MAP2K1: variants seen among roughly 807,000 people sequenced by gnomAD.
MAP2K1 encodes mitogen-activated protein kinase kinase 1.
In MAP2K1, 16 loss-of-function variants were observed where a neutral mutation model predicts 46.3. The ratio of observed to expected loss-of-function variants is 0.35; its 90% confidence interval spans 0.23 to 0.52. The LOEUF (loss-of-function observed/expected upper bound fraction) is 0.52. Ranked by LOEUF, MAP2K1 falls within the 20% of genes least tolerant of loss-of-function variation. The pLI is 0.94. For missense variants in MAP2K1, 263 were observed against 497.1 expected (o/e 0.53, Z 4.48); for synonymous variants, 183 against 185.6 (o/e 0.99, Z 0.11).
chr15:66,399,947 G>C (rs1210578260), intron 1 of MAP2K1, among the ~76,000 whole-genome samples: 1 of 152,032 alleles, frequency 6.6e-6, no homozygotes, highest in African/African-American at 2.4e-5. Flanking sequence ...ATATGTGCAG[G>C]TTTGAGCATG....
chr15:66,484,681 TGGCCAAGCTG>T (rs147095432), intron 6 of MAP2K1, among the ~76,000 whole-genome samples: 10,101 of 152,220 alleles, frequency 0.066, 1,123 homozygotes, highest in African/African-American at 0.23. Context: ...TGCAAGACTG[TGGCCAAGCTG>T]GGTAAAGCTG....
chr15:66,404,758 A>G (rs749548200), intron 1 of MAP2K1, among the ~76,000 whole-genome samples: 5 of 152,188 alleles, frequency 3.3e-5, no homozygotes, highest in Non-Finnish European at 7.3e-5. Context: ...AAGGAGGGTG[A>G]GAGCTGGAGG....
chr15:66,467,973 C>A (rs936586179), intron 5 of MAP2K1, among the ~76,000 whole-genome samples: 1 of 152,134 alleles, frequency 6.6e-6, no homozygotes, highest in Admixed American at 6.5e-5. Context: ...ATTTCTTGAT[C>A]AAAAAATGCA....
At chr15:66,481,692 A>C in intron 5 of MAP2K1, 63 bp from the exon 6 acceptor site, 2 of 1,586,568 alleles carry the variant, frequency 1.3e-6, no homozygotes, top group Non-Finnish European at 1.7e-6. Flanking sequence ...TGGAATGCTG[A>C]TCCTTCTCTT....
chr15:66,490,096 C>T, intron 10 of MAP2K1: 1 of 531,754 alleles, frequency 1.9e-6, no homozygotes, highest in South Asian at 2.1e-5. Flanking sequence ...CTTCCAGAGT[C>T]ACTCTCCGCC....
chr15:66,424,359 G>C (rs1456085244), intron 1 of MAP2K1, among the ~76,000 whole-genome samples: 1 of 152,022 alleles, frequency 6.6e-6, no homozygotes, highest in East Asian at 1.9e-4. Flanking sequence ...TGTCCAGCCC[G>C]TGTCTTGTAA....
chr15:66,463,065 TGA>T (rs1190172120), intron 5 of MAP2K1, among the ~76,000 whole-genome samples: 1 of 152,200 alleles, frequency 6.6e-6, no homozygotes, highest in Admixed American at 6.5e-5. Flanking sequence ...AGATTCAACC[TGA>T]CCCTCTTAGC....
Position 66,485,244 on chromosome 15 carries a change from A to T in MAP2K1, c.895+53A>T, listed in dbSNP as rs1240405084. ...GGACTGTTGGAGGGGAGGGTCCCTTACTTTCAGGGGTTTCTGGAGGGCTGA... is the reference window on the plus strand; with the variant it reads ...GGACTGTTGGAGGGGAGGGTCCCTTTCTTTCAGGGGTTTCTGGAGGGCTGA... On this transcript the variant is annotated intron_variant, in intron 7 of 10. Coordinates refer to ENST00000307102, the MANE Select transcript of MAP2K1 (RefSeq NM_002755.4). 4 of 1,528,222 alleles carry T rather than the reference A, an allele frequency of 2.6e-6. No individual in the cohort carries two copies. The East Asian group carries it at 6.9e-5, about 26-fold the overall frequency. The allele number at this position is 1,528,222 out of a possible 1,614,324, so 94.7% of individuals were successfully genotyped here.
At chr15:66,445,260 C>G (rs952496640) in intron 5 of MAP2K1, among the ~76,000 whole-genome samples, 1 of 151,954 alleles carries the variant, frequency 6.6e-6, no homozygotes, top group Non-Finnish European at 1.5e-5. Context: ...GCCATGGTGG[C>G]GAGCACCTGT....
At position 66,452,441 on chromosome 15, in the gene MAP2K1, T is replaced by C. The variant is rs117515971; in HGVS notation, c.568+7734T>C. Among the ~76,000 whole-genome samples, 473 of 152,316 alleles carry C rather than the reference T, an allele frequency of 3.1e-3. 3 individuals carry two copies. Among genetic ancestry groups the C allele is most frequent in the Middle Eastern group, 0.014 (4 of 294 alleles). ...GGGGGAAACAGTTTTTCTACCAGTTTAGTCCTTAATCTGTGGCTTCTTAAG... is the reference window on the plus strand; with the variant it reads ...GGGGGAAACAGTTTTTCTACCAGTTCAGTCCTTAATCTGTGGCTTCTTAAG... On this transcript the variant is annotated intron_variant, in intron 5 of 10. Coordinates refer to ENST00000307102, the MANE Select transcript of MAP2K1 (RefSeq NM_002755.4).
intron 1 of MAP2K1, among the ~76,000 whole-genome samples, chr15:66,395,122 AC>A (rs1417893083): frequency 2.6e-5 from 4 of 152,066 alleles, no homozygotes; most frequent in Non-Finnish European, 1.5e-5. Flanking sequence ...ATGTTCCAAG[AC>A]CCCTAGTGGA....
intron 1 of MAP2K1, 108 bp downstream of exon 1, chr15:66,387,535 C>A: frequency 8.7e-7 from 1 of 1,150,560 alleles, no homozygotes; most frequent in Non-Finnish European, 1.3e-6. Flanking sequence ...ACGTCTGGGG[C>A]TGGCAGGGGG....
rs75471439 is a variant in MAP2K1 at position 66,461,999 on chromosome 15, G to A, written c.568+17292G>A. On this transcript the variant is annotated intron_variant, in intron 5 of 10. Coordinates refer to ENST00000307102, the MANE Select transcript of MAP2K1 (RefSeq NM_002755.4). ...AGCATTAAAGTTATGGCATTTAAAA[G>A]CACATTGCGTATACAATGCTGGGCT... 2.1e-3 allele frequency among the ~76,000 whole-genome samples: 318 copies of A among 152,298 alleles called. 1 individual carries two copies. Among genetic ancestry groups the A allele is most frequent in the African/African-American group, 7.2e-3 (300 of 41,550 alleles).
At chr15:66,416,301 G>C (rs1260595699) in intron 1 of MAP2K1, among the ~76,000 whole-genome samples, 1 of 151,994 alleles carries the variant, frequency 6.6e-6, no homozygotes, top group Non-Finnish European at 1.5e-5. Flanking sequence ...CTTCTTCTTA[G>C]TATCCTTTCC....
chr15:66,447,830 C>A (rs1267866456), intron 5 of MAP2K1, among the ~76,000 whole-genome samples: 1 of 152,016 alleles, frequency 6.6e-6, no homozygotes, highest in Non-Finnish European at 1.5e-5. Context: ...GAACTTTTTT[C>A]ATCTTACAGA....
chr15:66,395,700 C>T (rs2093366028), intron 1 of MAP2K1, among the ~76,000 whole-genome samples: 1 of 151,866 alleles, frequency 6.6e-6, no homozygotes, highest in South Asian at 2.1e-4. Context: ...CCTCAGCCTC[C>T]CGAGTAGCTG....
At chr15:66,474,058 G>C (rs1892701277) in intron 5 of MAP2K1, among the ~76,000 whole-genome samples, 1 of 152,194 alleles carries the variant, frequency 6.6e-6, no homozygotes, top group Non-Finnish European at 1.5e-5. Flanking sequence ...ATCATCTCAT[G>C]TTTAATTGTC....
At chr15:66,433,740 A>G (rs78295565) in intron 1 of MAP2K1, among the ~76,000 whole-genome samples, 1,564 of 152,242 alleles carry the variant, frequency 0.01, 13 homozygotes, top group South Asian at 0.043. Context: ...ATGTATAATG[A>G]AGGCCTATCT....
At chr15:66,487,045 A>G (rs1595887028) in intron 7 of MAP2K1, among the ~76,000 whole-genome samples, 183 bp from the exon 8 acceptor site, 2 of 152,314 alleles carry the variant, frequency 1.3e-5, no homozygotes, top group East Asian at 3.9e-4. Context: ...AAGATGTGGC[A>G]GAGCCCAGAC....
Sources: gnomAD v4.1 joint callset for allele counts (sites outside exome capture counted in the v4.1 genomes callset) on GRCh38, gnomAD v4.1.1 for gene constraint, MANE v1.5 for transcripts, NCBI Gene and HGNC (gene_info 2026-07-23, HGNC 2026-07-21) for gene names.